GRM1: variants seen among roughly 807,000 people sequenced by gnomAD.
GRM1 encodes glutamate metabotropic receptor 1.
A neutral mutation model predicts 90.9 loss-of-function variants in GRM1; 33 were observed. The observed-to-expected ratio is 0.36, with a 90% CI of 0.28 to 0.49. The LOEUF is 0.49. GRM1 is among the 20% of genes least tolerant of loss of function. The pLI is 0.99. For synonymous variants in GRM1, 700 were observed against 613.2 expected, an observed-to-expected ratio of 1.14 and a Z score of -2.09; for missense variants, 1,190 against 1,534.3, an observed-to-expected ratio of 0.78 and a Z score of 3.75.
intron 3 of GRM1, among the ~76,000 whole-genome samples, chr6:146,348,223 T>A (rs548754156): frequency 1.3e-5 from 2 of 152,288 alleles, no homozygotes; most frequent in East Asian, 3.9e-4. Flanking sequence ...CAGGTGACAA[T>A]GTTATTAGTT....
chr6:146,394,059 A>G (rs1776837652), intron 6 of GRM1, among the ~76,000 whole-genome samples: 1 of 152,210 alleles, frequency 6.6e-6, no homozygotes, highest in African/African-American at 2.4e-5. Flanking sequence ...CTGGCTAGCC[A>G]TATGCAGAAA....
chr6:146,062,807 C>T (rs1775720018), intron 1 of GRM1, among the ~76,000 whole-genome samples: 1 of 152,040 alleles, frequency 6.6e-6, no homozygotes, highest in Non-Finnish European at 1.5e-5. Flanking sequence ...TTATTCTGGC[C>T]TGCCCTCAAA....
intron 1 of GRM1, among the ~76,000 whole-genome samples, chr6:146,036,540 A>G (rs1485417937): frequency 6.6e-6 from 1 of 151,952 alleles, no homozygotes; most frequent in Non-Finnish European, 1.5e-5. Flanking sequence ...CTTAACTTAC[A>G]TGAGAAATTA....
chr6:146,397,797 T>C (rs362855), intron 6 of GRM1, among the ~76,000 whole-genome samples: 23,260 of 152,120 alleles, frequency 0.15, 3,722 homozygotes, highest in African/African-American at 0.39. Context: ...CAAACACATG[T>C]TCACTGAGGC....
At chr6:146,151,857 T>C (rs544297696) in intron 1 of GRM1, among the ~76,000 whole-genome samples, 3 of 152,202 alleles carry the variant, frequency 2.0e-5, no homozygotes, top group African/African-American at 7.2e-5. Context: ...GATTTCTTTG[T>C]AAGCTCCATG....
intron 1 of GRM1, among the ~76,000 whole-genome samples, chr6:146,145,529 A>C (rs1022793662): frequency 4.6e-5 from 7 of 152,184 alleles, no homozygotes; most frequent in African/African-American, 1.2e-4. Context: ...CTTGCACTGC[A>C]GCTCTGGTAA....
At chr6:146,191,376 A>G (rs1778930789) in intron 2 of GRM1, among the ~76,000 whole-genome samples, 1 of 152,224 alleles carries the variant, frequency 6.6e-6, no homozygotes, top group African/African-American at 2.4e-5. Flanking sequence ...AGCCTGTGCT[A>G]TTAGTGAGTG....
At position 146,063,399 on chromosome 6, in the gene GRM1, TATTCA is replaced by T. The variant is rs1775739011; in HGVS notation, c.700+33189_700+33193del. Reference sequence around the variant, plus strand: ...CAGCATTGAAGATTATTGAATTGAATATTCAATTCAACATTGATATTGATGTTGAA... The same window carrying T: ...CAGCATTGAAGATTATTGAATTGAATATTCAACATTGATATTGATGTTGAA... On this transcript the variant is annotated intron_variant, in intron 1 of 7. Transcript: ENST00000282753. Among the ~76,000 whole-genome samples, 4 of 152,360 alleles carry T rather than the reference TATTCA, an allele frequency of 2.6e-5. No individual in the cohort carries two copies. The South Asian group carries it at 8.3e-4, about 32-fold the overall frequency.
chr6:146,382,407 G>A (rs2115129636), intron 5 of GRM1, among the ~76,000 whole-genome samples: 1 of 151,142 alleles, frequency 6.6e-6, no homozygotes, highest in East Asian at 1.9e-4. Context: ...GCTAACCTGT[G>A]GTAATAAAAT....
chr6:146,400,322 A>G (rs1306376428), intron 7 of GRM1, among the ~76,000 whole-genome samples: 1 of 152,220 alleles, frequency 6.6e-6, no homozygotes, highest in East Asian at 1.9e-4. Context: ...AACATGTTCC[A>G]CGATGTTATA....
chr6:146,177,961 C>T (rs897008545), intron 2 of GRM1, among the ~76,000 whole-genome samples: 1 of 152,076 alleles, frequency 6.6e-6, no homozygotes, highest in Admixed American at 6.5e-5. Context: ...CAAGAAAGTT[C>T]CCCTATACTC....
intron 2 of GRM1, among the ~76,000 whole-genome samples, chr6:146,219,802 G>GTTTAT (rs1779995185): frequency 1.3e-5 from 2 of 152,104 alleles, no homozygotes; most frequent in Non-Finnish European, 2.9e-5. Flanking sequence ...TTTCTTTGGG[G>GTTTAT]AAGAATAAAG....
intron 1 of GRM1, among the ~76,000 whole-genome samples, chr6:146,115,247 C>A (rs200881820): frequency 7.5e-6 from 1 of 132,938 alleles, no homozygotes; most frequent in Non-Finnish European, 1.6e-5. Flanking sequence ...CACACACACA[C>A]ATATATATAC....
At chr6:146,107,659 TA>T (rs1775365002) in intron 1 of GRM1, among the ~76,000 whole-genome samples, 1 of 152,238 alleles carries the variant, frequency 6.6e-6, no homozygotes, top group Non-Finnish European at 1.5e-5. Context: ...ATTTATCTCA[TA>T]AACCAGTAGA....
chr6:146,414,486 C>T (rs1397965168), intron 7 of GRM1, among the ~76,000 whole-genome samples: 1 of 151,860 alleles, frequency 6.6e-6, no homozygotes, highest in Non-Finnish European at 1.5e-5. Flanking sequence ...GCACTGCAAG[C>T]TCCGCCTCCG....
chr6:146,349,323 C>T (rs936533547), intron 3 of GRM1, among the ~76,000 whole-genome samples: 2 of 151,454 alleles, frequency 1.3e-5, no homozygotes, highest in African/African-American at 2.4e-5. Context: ...CCTCATGATC[C>T]GTCCGCCTCA....
At chr6:146,080,453 G>T (rs755089927) in intron 1 of GRM1, among the ~76,000 whole-genome samples, 45 of 152,070 alleles carry the variant, frequency 3.0e-4, no homozygotes, top group Non-Finnish European at 5.3e-4. Context: ...AAAAATACAC[G>T]TGACACAGGG....
At chr6:146,132,617 A>G (rs1014716251) in intron 1 of GRM1, among the ~76,000 whole-genome samples, 10 of 152,098 alleles carry the variant, frequency 6.6e-5, no homozygotes, top group African/African-American at 2.4e-4. Context: ...ATTTACTCCT[A>G]TTTTAGAATG....
Position 146,386,802 on chromosome 6 carries a change from A to G in GRM1, c.1603-88A>G, listed in dbSNP as rs145878462. 5.2e-5 allele frequency: 51 copies of G among 986,642 alleles called. No homozygotes were observed. In the African/African-American group the frequency reaches 7.6e-4, roughly 15 times the overall value. 61.1% of individuals were successfully genotyped at this position (986,642 alleles called of 1,614,324 possible). A position where few individuals can be genotyped will look rare whatever the true frequency, so the allele number is the denominator to read the frequency against. ...TTTCATAGTTAGTCTTTTTTTCTTT[A>G]TTCATAATCTGAAAACAAATCCTCA... is the stretch of plus-strand genomic sequence containing the variant. On this transcript the variant is annotated intron_variant, in intron 5 of 7. Transcript: ENST00000282753.
Sources: allele counts gnomAD v4.1 joint callset (sites outside exome capture counted in the v4.1 genomes callset), GRCh38; gene constraint gnomAD v4.1.1; transcripts MANE v1.5; gene names NCBI Gene and HGNC (gene_info 2026-07-23, HGNC 2026-07-21).